The following SIL1 variants were observed in gnomAD, a reference collection of about 807,000 sequenced individuals.
SIL1 encodes nucleotide exchange factor SIL1.
A neutral mutation model predicts 49.1 loss-of-function variants in SIL1; 40 were observed. The observed-to-expected ratio is 0.81, with a 90% confidence interval of 0.63 to 1.06. SIL1 has a LOEUF of 1.06. SIL1 is among the 50% of genes least tolerant of loss of function. The pLI is 0.00. For missense variants in SIL1, 500 were observed against 572.6 expected, an observed-to-expected ratio of 0.87 and a Z score of 1.29; for synonymous variants, 253 against 250.8, an observed-to-expected ratio of 1.01 and a Z score of -0.08.
At chr5:139,091,162 CTAATTA>C (rs1328319279) in intron 3 of SIL1, among the ~76,000 whole-genome samples, 1 of 151,710 alleles carries the variant, frequency 6.6e-6, no homozygotes, top group African/African-American at 2.4e-5. Context: ...AATAACTTTC[CTAATTA>C]TAATTCAAAA....
At chr5:138,979,953 G>A (rs896602410) in intron 7 of SIL1, among the ~76,000 whole-genome samples, 9 of 152,204 alleles carry the variant, frequency 5.9e-5, no homozygotes, top group Non-Finnish European at 1.5e-5. Context: ...CCACCCGGGT[G>A]AGCAAAAGAC....
At chr5:139,137,927 C>T (rs1320763090) in intron 1 of SIL1, among the ~76,000 whole-genome samples, 2 of 151,558 alleles carry the variant, frequency 1.3e-5, no homozygotes, top group African/African-American at 4.9e-5. Context: ...ACATACCACA[C>T]ACAGGCACCT....
intron 7 of SIL1, among the ~76,000 whole-genome samples, chr5:138,998,748 G>A (rs539872833): frequency 8.4e-4 from 127 of 151,850 alleles, no homozygotes; most frequent in Middle Eastern, 3.5e-3. Context: ...TTTGCCCCCT[G>A]TGATCCAATT....
At chr5:139,110,575 T>C (rs1025466356) in intron 3 of SIL1, among the ~76,000 whole-genome samples, 7 of 152,144 alleles carry the variant, frequency 4.6e-5, no homozygotes, top group African/African-American at 1.7e-4. Flanking sequence ...TTATGAATAA[T>C]AACAAAACAA....
intron 3 of SIL1, among the ~76,000 whole-genome samples, chr5:139,065,371 C>A (rs570115281): frequency 1.3e-5 from 2 of 152,274 alleles, no homozygotes; most frequent in Admixed American, 6.5e-5. Flanking sequence ...AAAACTGAAG[C>A]AAATGTGGGG....
intron 3 of SIL1, 31 bp from the exon 4 acceptor site, chr5:139,051,077 G>C: frequency 6.2e-7 from 1 of 1,605,108 alleles, no homozygotes; most frequent in Non-Finnish European, 8.5e-7. Context: ...AGGCTCATGA[G>C]GTACAAGGTC....
At chr5:139,072,173 GA>G (rs1769848040) in intron 3 of SIL1, among the ~76,000 whole-genome samples, 1 of 152,124 alleles carries the variant, frequency 6.6e-6, no homozygotes, top group Non-Finnish European at 1.5e-5. Context: ...TTTATTATAG[GA>G]AGGGTCCATT....
chr5:139,179,785 G>A (rs1751950101), intron 1 of SIL1, among the ~76,000 whole-genome samples: 1 of 152,160 alleles, frequency 6.6e-6, no homozygotes, highest in African/African-American at 2.4e-5. Flanking sequence ...AGCCAGATGT[G>A]GTGGCTCATA....
chr5:139,051,047 C>G lies in SIL1; in HGVS notation c.245-1G>C. ...TGGGATCCTGCAGGGACAGCCTGCC[C>G]TAAAAGCCAAGAAGAGAAAAGGCTC... On this transcript the variant is annotated splice_acceptor_variant, in intron 3 of 9. Coordinates refer to ENST00000394817, the MANE Select transcript of SIL1 (RefSeq NM_022464.5). LOFTEE classifies it high-confidence loss of function. 1 of 1,613,768 alleles carries G rather than the reference C, an allele frequency of 6.2e-7. No individual in the cohort carries two copies. Among genetic ancestry groups the G allele is most frequent in the African/African-American group, 1.3e-5 (1 of 74,958 alleles).
At chr5:139,049,055 A>G (rs1052146921) in intron 4 of SIL1, among the ~76,000 whole-genome samples, 4 of 152,192 alleles carry the variant, frequency 2.6e-5, no homozygotes, top group African/African-American at 9.6e-5. Context: ...GCCACCTGAA[A>G]AAAGTGCACA....
At position 139,177,342 on chromosome 5, in the gene SIL1, C is replaced by T. The variant is rs188437964; in HGVS notation, c.-11+20927G>A. On this transcript the variant is annotated intron_variant, in intron 1 of 9. Transcript: ENST00000394817. ...GCAACCTCCGCCTCCTGCTTTCAAG[C>T]GATTCTGCTATCTCAGCCTCCTGAG... Among the ~76,000 whole-genome samples the T allele has an allele frequency of 7.1e-3, 1,083 of 152,198 alleles. 2 individuals carry two copies. Among genetic ancestry groups the T allele is most frequent in the Non-Finnish European group, 0.013 (880 of 68,006 alleles).
chr5:139,015,808 T>C (rs1048349824), intron 7 of SIL1, among the ~76,000 whole-genome samples: 1 of 152,222 alleles, frequency 6.6e-6, no homozygotes, highest in South Asian at 2.1e-4. Flanking sequence ...TACACATCCA[T>C]AGAGAATGGG....
Position 139,050,469 on chromosome 5 carries a change from T to A in SIL1, c.353+469A>T, listed in dbSNP as rs534470277. ...AGTGGAGAATGGCAGTAGCTTCTACTTTTATACTATAAGAAGGCCTGTTTT... is the reference window on the plus strand; with the variant it reads ...AGTGGAGAATGGCAGTAGCTTCTACATTTATACTATAAGAAGGCCTGTTTT... On this transcript the variant is annotated intron_variant, in intron 4 of 9. Coordinates refer to ENST00000394817, the MANE Select transcript of SIL1 (RefSeq NM_022464.5). 1.0e-3 allele frequency among the ~76,000 whole-genome samples: 157 copies of A among 152,368 alleles called. 1 individual carries two copies. Among genetic ancestry groups the A allele is most frequent in the Admixed American group, 6.5e-4 (10 of 15,304 alleles).
At chr5:139,033,287 GC>G (rs1414227897) in intron 5 of SIL1, among the ~76,000 whole-genome samples, 1 of 151,862 alleles carries the variant, frequency 6.6e-6, no homozygotes, top group Non-Finnish European at 1.5e-5. Flanking sequence ...GAGCCACCGT[GC>G]CCAGCCATGT....
At chr5:139,099,564 G>A (rs1195779971) in intron 3 of SIL1, among the ~76,000 whole-genome samples, 2 of 151,810 alleles carry the variant, frequency 1.3e-5, no homozygotes, top group Non-Finnish European at 2.9e-5. Flanking sequence ...TAAAAATGTG[G>A]TACATATACA....
intron 7 of SIL1, among the ~76,000 whole-genome samples, chr5:138,961,402 AG>A (rs1441970968): frequency 6.6e-6 from 1 of 152,212 alleles, no homozygotes; most frequent in African/African-American, 2.4e-5. Flanking sequence ...TACTTTCTGC[AG>A]GAAGGCCATT....
Position 138,989,644 on chromosome 5 carries a change from A to G in SIL1, c.767+31527T>C, listed in dbSNP as rs148133399. 2.6e-3 allele frequency among the ~76,000 whole-genome samples: 390 copies of G among 152,224 alleles called. 3 individuals are homozygous for G. The highest frequency in any genetic ancestry group is 8.2e-3 in the African/African-American group (340 of 41,542). On this transcript the variant is annotated intron_variant, in intron 7 of 9. Transcript: ENST00000394817. ...AGGGCCGCACTCCTTTATGTAGGACACCTTTTGCCCTCTAAGGCATCATCT... is the reference window on the plus strand; with the variant it reads ...AGGGCCGCACTCCTTTATGTAGGACGCCTTTTGCCCTCTAAGGCATCATCT...
At chr5:139,012,388 G>A (rs1437507560) in intron 7 of SIL1, 1 of 152,078 alleles carries the variant, frequency 6.6e-6, no homozygotes, top group Non-Finnish European at 1.5e-5. Context: ...AGCTAAGCAA[G>A]GTTGGGCCCG....
chr5:139,022,392 C>T (rs1190426995), intron 6 of SIL1: 1 of 152,206 alleles, frequency 6.6e-6, no homozygotes, highest in African/African-American at 2.4e-5. Flanking sequence ...TTGTGGTGGC[C>T]TAGCCTGTTG....
Sources: allele counts gnomAD v4.1 joint callset (sites outside exome capture counted in the v4.1 genomes callset), GRCh38; gene constraint gnomAD v4.1.1; transcripts MANE v1.5; gene names NCBI Gene and HGNC (gene_info 2026-07-23, HGNC 2026-07-21).